Variants in STK3 observed in about 807,000 individuals in gnomAD.
The protein encoded by STK3 is serine/threonine kinase 3.
Under a neutral mutation model 58.0 loss-of-function variants are expected in STK3, and 41 were observed. The observed-to-expected ratio is 0.71, with a 90% CI of 0.55 to 0.92. The LOEUF is 0.92. Among genes scored for constraint, STK3 ranks in the 40% least tolerant of loss-of-function variants. The pLI is 0.00. For missense variants in STK3, 479 were observed against 602.7 expected (o/e 0.79, Z 2.15); for synonymous variants, 170 against 191.0 (o/e 0.89, Z 0.91).
chr8:98,514,088 T>C (rs1201337862), intron 10 of STK3, among the ~76,000 whole-genome samples: 1 of 152,152 alleles, frequency 6.6e-6, no homozygotes, highest in African/African-American at 2.4e-5. Flanking sequence ...TCTGCCTCTC[T>C]TGTCCTTCCT....
Position 98,918,252 on chromosome 8 carries a change from T to C in STK3, c.-79+24126A>G, listed in dbSNP as rs561165961. 3.3e-5 allele frequency among the ~76,000 whole-genome samples: 5 copies of C among 152,320 alleles called. No individual in the cohort carries two copies. In the South Asian group the frequency reaches 6.2e-4, roughly 19 times the overall value. On this transcript the variant is annotated intron_variant, in intron 1 of 1. Coordinates refer to the STK3 transcript ENST00000519420. ...TATAGCTATAATAATAATGATGTTA[T>C]CAAGTCTCCCTCTGTGAAGCCCTAG...
chr8:98,697,018 A>G (rs1210004040), intron 6 of STK3, among the ~76,000 whole-genome samples: 1 of 152,152 alleles, frequency 6.6e-6, no homozygotes, highest in Non-Finnish European at 1.5e-5. Context: ...GCTATTGACT[A>G]TTGCCACAAT....
At chr8:98,577,208 C>A (rs1001191016) in intron 8 of STK3, among the ~76,000 whole-genome samples, 2 of 152,096 alleles carry the variant, frequency 1.3e-5, no homozygotes, top group African/African-American at 2.4e-5. Flanking sequence ...AAAACTGGGC[C>A]GGGCGCAGTG....
chr8:98,512,218 C>T lies in STK3; in HGVS notation c.1317+14524G>A, dbSNP rs145306825. The stretch of plus-strand genomic sequence containing the variant: ...TTCCCACCTATGAGTGAGAACATTG[C>T]ATAATGTTTTAAAACAACCTTTAGC... On this transcript the variant is annotated intron_variant, in intron 10 of 10. Transcript: ENST00000419617. Among the ~76,000 whole-genome samples, 549 of 151,790 alleles carry T rather than the reference C, an allele frequency of 3.6e-3. 2 individuals are homozygous for T. Among genetic ancestry groups the T allele is most frequent in the African/African-American group, 0.013 (524 of 41,406 alleles).
At chr8:98,676,880 G>C (rs149968051) in intron 6 of STK3, among the ~76,000 whole-genome samples, 1 of 152,276 alleles carries the variant, frequency 6.6e-6, no homozygotes, top group African/African-American at 2.4e-5. Context: ...GAATATAGTT[G>C]CTCAGAGGCT....
chr8:98,826,464 C>A (rs1162024655), upstream of STK3, among the ~76,000 whole-genome samples: 1 of 152,098 alleles, frequency 6.6e-6, no homozygotes, highest in Non-Finnish European at 1.5e-5. Context: ...ACACCAAATT[C>A]AGTTGCACTG....
At chr8:98,725,318 C>T (rs1227142806) in intron 4 of STK3, among the ~76,000 whole-genome samples, 1 of 152,116 alleles carries the variant, frequency 6.6e-6, no homozygotes, top group African/African-American at 2.4e-5. Context: ...ACTGACACAA[C>T]CTCAAGGAAG....
chr8:98,907,340 C>T (rs1457843720), intron 1 of STK3, among the ~76,000 whole-genome samples: 1 of 151,842 alleles, frequency 6.6e-6, no homozygotes, highest in Admixed American at 6.6e-5. Context: ...GGTGAAACCC[C>T]GTCTTTACTA....
At chr8:98,798,413 G>T (rs956935484) in intron 1 of STK3, among the ~76,000 whole-genome samples, 12 of 152,120 alleles carry the variant, frequency 7.9e-5, no homozygotes, top group African/African-American at 2.9e-4. Flanking sequence ...TAACACCTCA[G>T]AATATCATCA....
chr8:98,635,984 C>T (rs1263213140), intron 6 of STK3, among the ~76,000 whole-genome samples: 2 of 152,052 alleles, frequency 1.3e-5, no homozygotes, highest in Admixed American at 6.6e-5. Flanking sequence ...GTTTTTAGTA[C>T]ATTACCTATT....
intron 3 of STK3, among the ~76,000 whole-genome samples, chr8:98,866,170 G>T (rs1837136094): frequency 6.6e-6 from 1 of 152,258 alleles, no homozygotes; most frequent in African/African-American, 2.4e-5. Context: ...CCTGTTGAGA[G>T]AGTGTGTCTA....
chr8:98,640,860 A>G (rs944782122), intron 6 of STK3, among the ~76,000 whole-genome samples: 109 of 151,562 alleles, frequency 7.2e-4, no homozygotes, highest in Middle Eastern at 3.8e-3. Context: ...CTCATTGAAA[A>G]AACATAAAAA....
At chr8:98,817,903 T>C (rs1052053635) in intron 1 of STK3, among the ~76,000 whole-genome samples, 1 of 151,162 alleles carries the variant, frequency 6.6e-6, no homozygotes, top group African/African-American at 2.5e-5. Flanking sequence ...TAAAAACCTT[T>C]AATGACAGCA....
chr8:98,822,897 G>A (rs377073725), intron 1 of STK3, among the ~76,000 whole-genome samples: 2 of 152,250 alleles, frequency 1.3e-5, no homozygotes, highest in East Asian at 1.9e-4. Flanking sequence ...GCGTGGTGGC[G>A]CCCGCCTGTA....
chr8:98,535,417 C>A (rs1249404843), intron 9 of STK3, among the ~76,000 whole-genome samples: 1 of 151,930 alleles, frequency 6.6e-6, no homozygotes, highest in Non-Finnish European at 1.5e-5. Context: ...GATCATCTTC[C>A]TCTCTCCACA....
intron 7 of STK3, among the ~76,000 whole-genome samples, chr8:98,584,905 A>G (rs954180419): frequency 6.6e-6 from 1 of 151,518 alleles, no homozygotes; most frequent in African/African-American, 2.4e-5. Context: ...TTCTTTTGAG[A>G]AGTGTCTGTT....
chr8:98,575,034 G>C (rs1379985358), intron 8 of STK3, among the ~76,000 whole-genome samples: 2 of 152,056 alleles, frequency 1.3e-5, no homozygotes, highest in East Asian at 3.9e-4. Context: ...TGGGGGTGAG[G>C]TAAGAAACAT....
At chr8:98,399,416 A>C (rs776348159), downstream of STK3, among the ~76,000 whole-genome samples, 94 of 152,218 alleles carry the variant, frequency 6.2e-4, no homozygotes, top group Admixed American at 1.4e-3. Context: ...AAGAAGACAC[A>C]TTCCCGGTTG....
At chr8:98,785,527 C>A (rs1249747302) in intron 1 of STK3, among the ~76,000 whole-genome samples, 2 of 152,152 alleles carry the variant, frequency 1.3e-5, no homozygotes, top group African/African-American at 4.8e-5. Flanking sequence ...TGAGCCTGCC[C>A]AGTCCAGCCC....
Sources: allele counts gnomAD v4.1 joint callset (sites outside exome capture counted in the v4.1 genomes callset), GRCh38; gene constraint gnomAD v4.1.1; transcripts MANE v1.5; gene names NCBI Gene and HGNC (gene_info 2026-07-23, HGNC 2026-07-21).